The following FBXO36 variants were observed in gnomAD, a reference collection of about 807,000 sequenced individuals.
The protein encoded by FBXO36 is F-box protein 36.
FBXO36 carries 18 observed loss-of-function variants against 17.0 expected under a neutral mutation model. The observed-to-expected ratio is 1.06, with a 90% CI of 0.73 to 1.57. The LOEUF is 1.57. Among genes scored for constraint, FBXO36 ranks in the 40% most tolerant of loss-of-function variants. FBXO36 has a pLI of 0.00. For synonymous variants in FBXO36, 83 were observed against 85.3 expected, an observed-to-expected ratio of 0.97 and a Z score of 0.15; for missense variants, 229 against 221.9, an observed-to-expected ratio of 1.03 and a Z score of -0.20.
At chr2:229,929,556 ACT>A (rs1384600387) in intron 1 of FBXO36, among the ~76,000 whole-genome samples, 1 of 150,676 alleles carries the variant, frequency 6.6e-6, no homozygotes, top group Non-Finnish European at 1.5e-5. Flanking sequence ...ACAGAGCAAG[ACT>A]CTGTTTCAAA....
intron 1 of FBXO36, among the ~76,000 whole-genome samples, chr2:229,944,515 TTTG>T (rs1482943181): frequency 6.6e-6 from 1 of 152,184 alleles, no homozygotes; most frequent in Non-Finnish European, 1.5e-5. Flanking sequence ...AAGTGTAGAC[TTTG>T]TTATTACTTT....
intron 2 of FBXO36, among the ~76,000 whole-genome samples, chr2:229,988,866 G>A (rs1401590045): frequency 7.3e-6 from 1 of 137,354 alleles, no homozygotes; most frequent in Non-Finnish European, 1.6e-5. Flanking sequence ...TTACCGCATA[G>A]TATTTATGCT....
intron 2 of FBXO36, among the ~76,000 whole-genome samples, chr2:229,988,828 GTTT>G (rs11321192): frequency 7.4e-4 from 96 of 129,348 alleles, no homozygotes; most frequent in African/African-American, 2.2e-3. Context: ...ATGCTGGCCT[GTTT>G]TTTTTTTTTT....
At chr2:229,962,498 T>TTTTTATTTTA (rs150685147) in intron 1 of FBXO36, among the ~76,000 whole-genome samples, 33,295 of 127,204 alleles carry the variant, frequency 0.26, 4,979 homozygotes, top group East Asian at 0.32. Flanking sequence ...ACCTAGTTGA[T>TTTTTATTTTA]TTTTATTTTA....
chr2:229,938,705 C>G (rs1484033046), intron 1 of FBXO36, among the ~76,000 whole-genome samples: 3 of 143,962 alleles, frequency 2.1e-5, no homozygotes, highest in Non-Finnish European at 4.5e-5. Context: ...AGAGATGGCT[C>G]AAGCCACCGC....
intron 3 of FBXO36, among the ~76,000 whole-genome samples, chr2:229,998,015 A>G (rs998817020): frequency 1.3e-5 from 2 of 152,188 alleles, no homozygotes; most frequent in Admixed American, 6.6e-5. Flanking sequence ...GTTGCTTGCA[A>G]CTGAGGAACC....
intron 1 of FBXO36, among the ~76,000 whole-genome samples, chr2:229,924,855 G>T (rs368279645): frequency 6.6e-6 from 1 of 151,154 alleles, no homozygotes; most frequent in Admixed American, 6.6e-5. Context: ...TGCAAGCTCC[G>T]CCTCCTGGGT....
At chr2:230,009,960 A>T (rs1380045836) in intron 3 of FBXO36, among the ~76,000 whole-genome samples, 1 of 149,894 alleles carries the variant, frequency 6.7e-6, no homozygotes, top group Non-Finnish European at 1.5e-5. Flanking sequence ...AAATAAATAG[A>T]TAGATAAAAA....
chr2:229,976,172 C>A, intron 1 of FBXO36, 69 bp from the exon 2 acceptor site: 1 of 1,265,252 alleles, frequency 7.9e-7, no homozygotes, highest in Non-Finnish European at 1.1e-6. Context: ...ATTTTCAAAA[C>A]CCCAAACTTA....
rs917516905 is a variant in FBXO36, at chr2:230,012,088, G to C, written c.*1204G>C. 1 of 152,006 alleles carries C rather than the reference G, an allele frequency of 6.6e-6. No homozygotes were observed. The highest frequency in any genetic ancestry group is 1.5e-5 in the Non-Finnish European group (1 of 68,018). The allele number at this position is 152,006 out of a possible 1,614,324, so 9.4% of individuals were successfully genotyped here. Reference sequence around the variant, plus strand: ...TACTTCCACATCACATTATAATATAGCCTTATAATTTCTTCTTTCCTGCAA... The same window carrying C: ...TACTTCCACATCACATTATAATATACCCTTATAATTTCTTCTTTCCTGCAA... On this transcript the variant is annotated 3_prime_UTR_variant, in exon 4 of 4. Transcript: ENST00000283946.
chr2:229,991,497 A>G (rs1560452562), intron 2 of FBXO36, among the ~76,000 whole-genome samples: 1 of 152,202 alleles, frequency 6.6e-6, no homozygotes, highest in African/African-American at 2.4e-5. Flanking sequence ...TTAAGCTCAC[A>G]AAGAAGAAGT....
At chr2:229,955,006 C>T (rs1182635044) in intron 1 of FBXO36, among the ~76,000 whole-genome samples, 1 of 151,916 alleles carries the variant, frequency 6.6e-6, no homozygotes, top group East Asian at 1.9e-4. Flanking sequence ...TGCGCCACCA[C>T]GCCCGGCTAA....
At chr2:229,964,615 G>A (rs2077141436) in intron 1 of FBXO36, among the ~76,000 whole-genome samples, 1 of 152,164 alleles carries the variant, frequency 6.6e-6, no homozygotes, top group Admixed American at 6.5e-5. Context: ...CCACCTCCCG[G>A]GTTCAAGTGA....
intron 1 of FBXO36, among the ~76,000 whole-genome samples, chr2:229,966,880 A>G (rs996885591): frequency 9.9e-5 from 15 of 152,196 alleles, no homozygotes; most frequent in Admixed American, 2.6e-4. Context: ...TTTTGGTTCC[A>G]TATGAACTTT....
At chr2:229,969,127 T>G (rs1203924985) in intron 1 of FBXO36, among the ~76,000 whole-genome samples, 3 of 152,184 alleles carry the variant, frequency 2.0e-5, no homozygotes, top group Non-Finnish European at 1.5e-5. Flanking sequence ...TTTCAGTCTA[T>G]AATCATGAAT....
At chr2:229,989,602 C>T (rs1417671336) in intron 2 of FBXO36, among the ~76,000 whole-genome samples, 2 of 151,362 alleles carry the variant, frequency 1.3e-5, no homozygotes, top group Non-Finnish European at 2.9e-5. Flanking sequence ...CGCTTTCTAG[C>T]CAAGGCTGGA....
chr2:229,956,176 T>C (rs1249716450), intron 1 of FBXO36, among the ~76,000 whole-genome samples: 2 of 152,222 alleles, frequency 1.3e-5, no homozygotes, highest in Non-Finnish European at 2.9e-5. Context: ...ACTTAAACAA[T>C]AGAAATGTAT....
chr2:229,994,970 C>T (rs370050551), intron 2 of FBXO36, among the ~76,000 whole-genome samples: 4 of 152,064 alleles, frequency 2.6e-5, no homozygotes, highest in East Asian at 1.9e-4. Context: ...AAAAATTAGC[C>T]GGGCATGGTG....
chr2:229,940,618 C>T (rs188920484), intron 1 of FBXO36, among the ~76,000 whole-genome samples: 71 of 152,284 alleles, frequency 4.7e-4, no homozygotes, highest in Admixed American at 3.3e-3. Flanking sequence ...GCTAAAGTAG[C>T]ATGGGCCCCT....
Sources: gnomAD v4.1 joint callset for allele counts (sites outside exome capture counted in the v4.1 genomes callset) on GRCh38, gnomAD v4.1.1 for gene constraint, MANE v1.5 for transcripts, NCBI Gene and HGNC (gene_info 2026-07-23, HGNC 2026-07-21) for gene names.